FAM13B: variants seen among roughly 807,000 people sequenced by gnomAD.
FAM13B encodes the protein protein FAM13B.
Under a neutral mutation model 117.3 loss-of-function variants are expected in FAM13B, and 60 were observed. The observed-to-expected ratio is 0.51, with a 90% CI of 0.42 to 0.63. The LOEUF is 0.63. FAM13B is among the 30% of genes least tolerant of loss of function. The pLI, the probability that FAM13B is intolerant of heterozygous loss-of-function variation, is 0.00. For synonymous variants in FAM13B, 332 were observed against 356.1 expected (o/e 0.93, Z 0.76); for missense variants, 972 against 1,091.9 (o/e 0.89, Z 1.55).
chr5:137,945,846 TGGGAAGAG>T, intron 20 of FAM13B, 48 bp downstream of exon 20: 4 of 1,286,444 alleles, frequency 3.1e-6, no homozygotes, highest in African/African-American at 1.5e-5. Context: ...TAATTTTTTT[TGGGAAGAG>T]TACATCTTGA....
chr5:138,000,488 C>A (rs1160875051), intron 7 of FAM13B, among the ~76,000 whole-genome samples: 1 of 152,086 alleles, frequency 6.6e-6, no homozygotes, highest in African/African-American at 2.4e-5. Context: ...AACAAAAGTT[C>A]TTTAGGGTGC....
At chr5:137,998,252 T>TG (rs1227430593) in intron 7 of FAM13B, among the ~76,000 whole-genome samples, 3 of 152,242 alleles carry the variant, frequency 2.0e-5, no homozygotes, top group Non-Finnish European at 4.4e-5. Context: ...AAAAGCTGCT[T>TG]GGGGTCTTAG....
intron 10 of FAM13B, among the ~76,000 whole-genome samples, chr5:137,967,672 T>A (rs1238849064): frequency 6.6e-6 from 1 of 151,340 alleles, no homozygotes; most frequent in Non-Finnish European, 1.5e-5. Flanking sequence ...GTGGGAGAAT[T>A]GCTTGAAGCC....
intron 7 of FAM13B, among the ~76,000 whole-genome samples, chr5:137,993,008 A>C (rs1779009003): frequency 6.6e-6 from 1 of 152,254 alleles, no homozygotes. Flanking sequence ...CTTTACAACG[A>C]TATGAGCCAC....
intron 9 of FAM13B, among the ~76,000 whole-genome samples, chr5:137,986,523 G>A (rs546743186): frequency 6.6e-6 from 1 of 151,882 alleles, no homozygotes; most frequent in Admixed American, 6.6e-5. Context: ...CAGGACTGAA[G>A]TAATAGAAAA....
chr5:137,984,041 A>C (rs1481887092), intron 10 of FAM13B, among the ~76,000 whole-genome samples: 1 of 152,202 alleles, frequency 6.6e-6, no homozygotes, highest in Non-Finnish European at 1.5e-5. Context: ...TTTTACATTT[A>C]ATGGCAATTA....
At chr5:137,988,888 G>T (rs187497171) in intron 7 of FAM13B, among the ~76,000 whole-genome samples, 1 of 152,222 alleles carries the variant, frequency 6.6e-6, no homozygotes, top group Non-Finnish European at 1.5e-5. Context: ...ATACTTGTGG[G>T]GGTGAGAGTG....
At chr5:137,983,647 A>G (rs1020726256) in intron 10 of FAM13B, among the ~76,000 whole-genome samples, 13 of 152,170 alleles carry the variant, frequency 8.5e-5, no homozygotes, top group African/African-American at 2.4e-4. Context: ...CAATAACTGA[A>G]AAGCTGTTCA....
intron 10 of FAM13B, among the ~76,000 whole-genome samples, chr5:137,966,769 T>C (rs980042682): frequency 4.6e-5 from 7 of 152,102 alleles, no homozygotes; most frequent in Non-Finnish European, 8.8e-5. Context: ...CTGTCACTCA[T>C]TGCTGGTGAA....
chr5:137,975,309 G>A (rs529923350), intron 10 of FAM13B, among the ~76,000 whole-genome samples: 3 of 152,122 alleles, frequency 2.0e-5, no homozygotes, highest in South Asian at 2.1e-4. Context: ...CACCCAACAC[G>A]CACTCTGTAC....
In FAM13B at chr5:137,940,164, CA is replaced by C. The variant is rs1162241282; in HGVS notation, c.*60del. ...CGAATTTAAGTACCAGCCAAGTACACACGATGATAGCTTCAAGGAATACAAC... is the reference window on the plus strand; with the variant it reads ...CGAATTTAAGTACCAGCCAAGTACACCGATGATAGCTTCAAGGAATACAAC... On this transcript the variant is annotated 3_prime_UTR_variant, in exon 24 of 24. Transcript: ENST00000689681. 6.2e-7 allele frequency: 1 copy of C among 1,613,122 alleles called. No individual in the cohort carries two copies. Among genetic ancestry groups the C allele is most frequent in the Non-Finnish European group, 8.5e-7 (1 of 1,179,106 alleles).
At chr5:137,957,060 T>G in intron 13 of FAM13B, among the ~76,000 whole-genome samples, 1 of 152,198 alleles carries the variant, frequency 6.6e-6, no homozygotes, top group Middle Eastern at 3.2e-3. Flanking sequence ...ATTCTGCTAT[T>G]TTTCTTATCC....
In FAM13B at chr5:138,007,163, G is replaced by C; in HGVS notation, c.691-16C>G. 1 of 1,544,214 alleles carries C rather than the reference G, an allele frequency of 6.5e-7. No individual in the cohort carries two copies. Among genetic ancestry groups the C allele is most frequent in the Non-Finnish European group, 8.7e-7 (1 of 1,145,054 alleles). ...GTTCATTAACCTATATAAATAAAAA[G>C]AAATTCAGAATTAAAATGTAATGAA... is the stretch of plus-strand genomic sequence containing the variant. On this transcript the variant is annotated splice_polypyrimidine_tract_variant and intron_variant, in intron 6 of 23. Coordinates refer to ENST00000689681, the MANE Select transcript of FAM13B (RefSeq NM_001385994.1).
At chr5:138,041,077 A>AG (rs1333863153) in intron 1 of FAM13B, among the ~76,000 whole-genome samples, 53 of 151,842 alleles carry the variant, frequency 3.5e-4, no homozygotes, top group East Asian at 1.5e-3. Context: ...AAAAAAAAAA[A>AG]AAAAGAAAAG....
At chr5:137,951,209 C>CAAAAAAAA (rs1158310740) in intron 17 of FAM13B, among the ~76,000 whole-genome samples, 93 of 62,076 alleles carry the variant, frequency 1.5e-3, no homozygotes, top group Admixed American at 2.2e-3. Context: ...CTGTCTCAAA[C>CAAAAAAAA]AAAAAAAAAA....
chr5:137,959,516 A>G, intron 13 of FAM13B, 100 bp downstream of exon 13: 1 of 1,240,566 alleles, frequency 8.1e-7, no homozygotes, highest in Non-Finnish European at 1.1e-6. Context: ...ATCAAGATGA[A>G]TAAGGTTATC....
chr5:138,008,128 G>C (rs1228922750), intron 6 of FAM13B, among the ~76,000 whole-genome samples: 1 of 152,176 alleles, frequency 6.6e-6, no homozygotes, highest in African/African-American at 2.4e-5. Flanking sequence ...AACAAGTACA[G>C]AGTGCCTATT....
Position 137,985,697 on chromosome 5 carries a change from A to G in FAM13B, c.1047-308T>C, listed in dbSNP as rs1777030097. Reference sequence around the variant, plus strand: ...CCTTGTAAATGCACACTCTCACATAATAATGACACATCTGTCCTGATCAAA... The same window carrying G: ...CCTTGTAAATGCACACTCTCACATAGTAATGACACATCTGTCCTGATCAAA... On this transcript the variant is annotated intron_variant, in intron 9 of 23. Transcript: ENST00000689681. Among the ~76,000 whole-genome samples the G allele has an allele frequency of 3.8e-5, 4 of 105,444 alleles. No homozygotes were observed. In the South Asian group the frequency reaches 9.8e-4, roughly 26 times the overall value. 69.2% of individuals were successfully genotyped at this position (105,444 alleles called of 152,430 possible).
chr5:138,049,267 T>C (rs1791729799), intron 1 of FAM13B, among the ~76,000 whole-genome samples: 1 of 149,468 alleles, frequency 6.7e-6, no homozygotes, highest in Non-Finnish European at 1.5e-5. Flanking sequence ...TCTTGTTTTG[T>C]TTTTGTTTTT....
Sources: allele counts gnomAD v4.1 joint callset (sites outside exome capture counted in the v4.1 genomes callset), GRCh38; gene constraint gnomAD v4.1.1; transcripts MANE v1.5; gene names NCBI Gene and HGNC (gene_info 2026-07-23, HGNC 2026-07-21).